The following ERI1 variants were observed in gnomAD, a reference collection of about 807,000 sequenced individuals.
The protein encoded by ERI1 is exoribonuclease 1, also known as 3'-5' exoribonuclease 1.
ERI1 carries 39 observed loss-of-function variants against 39.7 expected under a neutral mutation model. The ratio of observed to expected loss-of-function variants is 0.98; its 90% CI spans 0.76 to 1.28. The LOEUF is 1.28. ERI1 is among the 50% of genes most tolerant of loss of function. The probability of loss-of-function intolerance (pLI) is 0.00; values close to 1 mark genes in which losing one functional copy is unlikely to be tolerated. For synonymous variants in ERI1, 204 were observed against 149.6 expected (o/e 1.36, Z -2.65); for missense variants, 581 against 416.9 (o/e 1.39, Z -3.43).
chr8:9,009,261 C>T, intron 2 of ERI1: 1 of 344,594 alleles, frequency 2.9e-6, no homozygotes, highest in East Asian at 7.7e-5. Context: ...TTTGGGAAAA[C>T]ATACAAAGAA....
At chr8:9,028,652 C>A (rs1242494580) in intron 6 of ERI1, among the ~76,000 whole-genome samples, 1 of 152,050 alleles carries the variant, frequency 6.6e-6, no homozygotes, top group African/African-American at 2.4e-5. Context: ...GAGATGGAAC[C>A]TCACTCTGAC....
chr8:9,027,071 C>T (rs1484187353), intron 6 of ERI1, among the ~76,000 whole-genome samples: 1 of 151,958 alleles, frequency 6.6e-6, no homozygotes, highest in East Asian at 1.9e-4. Flanking sequence ...TACCATTTTA[C>T]ATTCCTGCCA....
At chr8:9,063,643 G>C (rs566301127) in intron 3 of ERI1, among the ~76,000 whole-genome samples, 1 of 152,236 alleles carries the variant, frequency 6.6e-6, no homozygotes, top group Non-Finnish European at 1.5e-5. Flanking sequence ...TGAGTTGCAT[G>C]GGGAACAGAG....
chr8:9,081,688 T>C (rs1799373466), intron 3 of ERI1, among the ~76,000 whole-genome samples: 1 of 100,016 alleles, frequency 1.0e-5, no homozygotes, highest in South Asian at 2.5e-4. Flanking sequence ...TCTTTTGTTT[T>C]TGTTTTTTTT....
At chr8:9,054,042 C>A (rs184071218) in intron 3 of ERI1, among the ~76,000 whole-genome samples, 297 of 126,436 alleles carry the variant, frequency 2.3e-3, no homozygotes, top group Admixed American at 5.1e-3. Context: ...GGCTAGAACT[C>A]CCATTTCCAC....
rs1329375954 is a variant in ERI1 at position 9,091,761 on chromosome 8, G to C, written n.300-24587G>C. On this transcript the variant is annotated intron_variant and non_coding_transcript_variant, in intron 3 of 3. Transcript: ENST00000518663. ...AGCACTTAAGAACAAATTATTCCCA[G>C]TTTCCAAAAATGTGAAATGTACATT... Among the ~76,000 whole-genome samples the C allele has an allele frequency of 3.3e-5, 5 of 152,216 alleles. No individual in the cohort carries two copies. In the East Asian group the frequency reaches 9.6e-4, roughly 29 times the overall value.
intron 3 of ERI1, among the ~76,000 whole-genome samples, chr8:9,014,241 C>G (rs950826373): frequency 6.6e-6 from 1 of 152,202 alleles, no homozygotes; most frequent in African/African-American, 2.4e-5. Context: ...CATTACTTGC[C>G]AGGACTTTAG....
intron 3 of ERI1, among the ~76,000 whole-genome samples, chr8:9,082,030 G>A (rs6985627): frequency 0.53 from 80,536 of 151,848 alleles, 22,870 homozygotes; most frequent in African/African-American, 0.69. Context: ...AAGTCACTGT[G>A]TCCCCCCACC....
At chr8:9,013,618 A>G (rs1816911922) in intron 3 of ERI1, among the ~76,000 whole-genome samples, 1 of 152,016 alleles carries the variant, frequency 6.6e-6, no homozygotes, top group African/African-American at 2.4e-5. Context: ...TTTGCTGGTG[A>G]CTTTCAAATA....
intron 3 of ERI1, among the ~76,000 whole-genome samples, chr8:9,072,005 G>A (rs1799068411): frequency 6.6e-6 from 1 of 152,192 alleles, no homozygotes; most frequent in Non-Finnish European, 1.5e-5. Context: ...GGTCGAGGCT[G>A]CAGTGAGTGG....
At chr8:9,061,239 G>A (rs1375770048) in intron 3 of ERI1, among the ~76,000 whole-genome samples, 1 of 152,100 alleles carries the variant, frequency 6.6e-6, no homozygotes, top group Non-Finnish European at 1.5e-5. Flanking sequence ...GGAAATATGG[G>A]GAAATGGGGT....
intron 3 of ERI1, among the ~76,000 whole-genome samples, chr8:9,063,416 A>T (rs1798767285): frequency 6.6e-6 from 1 of 152,130 alleles, no homozygotes; most frequent in Admixed American, 6.6e-5. Context: ...CTAGTCATGG[A>T]ATGAAACTGT....
chr8:9,078,140 C>G (rs1424345835), intron 3 of ERI1, among the ~76,000 whole-genome samples: 1 of 152,138 alleles, frequency 6.6e-6, no homozygotes, highest in Admixed American at 6.5e-5. Context: ...CATGCGTGCG[C>G]CACCACGCCT....
At chr8:9,010,638 T>C (rs1323487752) in intron 2 of ERI1, among the ~76,000 whole-genome samples, 8 of 151,852 alleles carry the variant, frequency 5.3e-5, no homozygotes, top group African/African-American at 1.9e-4. Flanking sequence ...AATTATAATT[T>C]AGATCTTTTT....
At chr8:9,018,668 G>C (rs1817559767) in intron 5 of ERI1, among the ~76,000 whole-genome samples, 1 of 152,118 alleles carries the variant, frequency 6.6e-6, no homozygotes, top group Non-Finnish European at 1.5e-5. Flanking sequence ...GTTTTTTCAT[G>C]ACACTTCCTT....
Position 9,003,161 on chromosome 8 carries a change from C to T in ERI1, c.98C>T (p.Pro33Leu). 1 of 1,243,788 alleles carries T rather than the reference C, an allele frequency of 8.0e-7. No individual in the cohort carries two copies. The highest frequency in any genetic ancestry group is 1.0e-6 in the Non-Finnish European group (1 of 991,642). 77.0% of individuals were successfully genotyped at this position (1,243,788 alleles called of 1,614,324 possible). Residue 33 changes from proline (P) to leucine (L), a missense_variant, in exon 1 of 7, where the codon CCC (proline) becomes CTC (leucine). By Grantham distance (98) the Pro-to-Leu change is moderately conservative. Transcript: ENST00000250263. ...GAGGGCGGGGAGGAGCCGCCGCGTC[C>T]CAGTCCCGAGGTGAGGAGTCGACCC... Reference protein sequence around the residue: ...RPEGGEEPPRPSPEETQQCKF... With the variant: ...RPEGGEEPPRLSPEETQQCKF...
chr8:9,004,028 C>G lies in ERI1; in HGVS notation c.108+857C>G, dbSNP rs887524881. The G allele has an allele frequency of 5.6e-6, 7 of 1,258,448 alleles. No homozygotes were observed. The Admixed American group carries it at 1.4e-4, about 25-fold the overall frequency. The allele number at this position is 1,258,448 out of a possible 1,614,324, so 78.0% of individuals were successfully genotyped here. On this transcript the variant is annotated intron_variant, in intron 1 of 6. Coordinates refer to ENST00000250263, the MANE Select transcript of ERI1 (RefSeq NM_153332.4). ...GCTCTGCGGGGTCGGGTGCCTGCCT[C>G]CCTTGGTAATTGCATCTCACACAGT...
rs1347175636 is a variant in ERI1 at position 9,032,340 on chromosome 8, T to G, written c.*2306T>G. 2 of 152,260 alleles carry G rather than the reference T, an allele frequency of 1.3e-5. No individual in the cohort carries two copies. The highest frequency in any genetic ancestry group is 2.9e-5 in the Non-Finnish European group (2 of 68,044). 9.4% of individuals were successfully genotyped at this position (152,260 alleles called of 1,614,324 possible). ...AGCTGTGTTAACTTTTATTCTATGC[T>G]TCATATGCTCTGACATTGACATAGT... On this transcript the variant is annotated 3_prime_UTR_variant, in exon 7 of 7. Transcript: ENST00000250263.
In ERI1 at chr8:9,002,963, C is replaced by G. The variant is rs1003272057; in HGVS notation, c.-101C>G. On this transcript the variant is annotated 5_prime_UTR_variant, in exon 1 of 7. Coordinates refer to ENST00000250263, the MANE Select transcript of ERI1 (RefSeq NM_153332.4). The stretch of plus-strand genomic sequence containing the variant: ...GGCCGCCGCCGCGGGAACGCGAGCC[C>G]GGTAATTTTTCAACGGAGAAAGGCG... 1 of 858,728 alleles carries G rather than the reference C, an allele frequency of 1.2e-6. No homozygotes were observed. Among genetic ancestry groups the G allele is most frequent in the Non-Finnish European group, 1.6e-6 (1 of 644,520 alleles). The allele number at this position is 858,728 out of a possible 1,614,324, so 53.2% of individuals were successfully genotyped here.
Sources: gnomAD v4.1 joint callset for allele counts (sites outside exome capture counted in the v4.1 genomes callset) on GRCh38, gnomAD v4.1.1 for gene constraint, MANE v1.5 for transcripts, NCBI Gene and HGNC (gene_info 2026-07-23, HGNC 2026-07-21) for gene names.